The following ANO5 variants were observed in gnomAD, a reference collection of about 807,000 sequenced individuals.
ANO5 encodes the protein anoctamin-5.
A neutral mutation model predicts 121.0 loss-of-function variants in ANO5; 109 were observed. The ratio of observed to expected loss-of-function variants is 0.90; its 90% CI spans 0.77 to 1.06. ANO5 has a LOEUF of 1.06. Ranked by LOEUF, ANO5 falls within the 50% of genes least tolerant of loss-of-function variation. ANO5 has a pLI of 0.00. For missense variants in ANO5, 1,064 were observed against 1,078.5 expected (o/e 0.99, Z 0.19); for synonymous variants, 406 against 359.9 (o/e 1.13, Z -1.45).
intron 1 of ANO5, among the ~76,000 whole-genome samples, chr11:22,197,128 C>T (rs1851837016): frequency 6.6e-6 from 1 of 152,140 alleles, no homozygotes; most frequent in South Asian, 2.1e-4. Context: ...GTAAGAGAGA[C>T]AACATAACAT....
intron 9 of ANO5, among the ~76,000 whole-genome samples, chr11:22,242,799 T>G (rs1399018460): frequency 6.6e-6 from 1 of 151,998 alleles, no homozygotes; most frequent in Admixed American, 6.6e-5. Context: ...AGGAGACTTT[T>G]GGTGGAGTCT....
At chr11:22,212,642 GAGAT>G (rs1170210783) in intron 3 of ANO5, among the ~76,000 whole-genome samples, 1 of 151,904 alleles carries the variant, frequency 6.6e-6, no homozygotes, top group Non-Finnish European at 1.5e-5. Flanking sequence ...TCATGGTACT[GAGAT>G]AGATAATGGC....
rs1855085212 is a variant in ANO5, at chr11:22,281,658, AAAG to A, written c.*1895_*1897del. 2.8e-5 allele frequency: 1 copy of A among 35,660 alleles called. No individual in the cohort carries two copies. The highest frequency in any genetic ancestry group is 3.4e-4 in the Admixed American group (1 of 2,938). 2.2% of individuals were successfully genotyped at this position (35,660 alleles called of 1,614,324 possible). The stretch of plus-strand genomic sequence containing the variant: ...CTTCCTGGGTGCTGATAAAAATAAG[AAAG>A]AGCATGGAAATTGGTTTCTTGAATA... On this transcript the variant is annotated 3_prime_UTR_variant, in exon 22 of 22. Transcript: ENST00000324559.
intron 1 of ANO5, among the ~76,000 whole-genome samples, chr11:22,203,348 G>A (rs1217736659): frequency 6.6e-6 from 1 of 152,042 alleles, no homozygotes; most frequent in Non-Finnish European, 1.5e-5. Flanking sequence ...TCTGTATGTC[G>A]GGAAAGTACT....
intron 5 of ANO5, among the ~76,000 whole-genome samples, chr11:22,223,303 G>T (rs1360122197): frequency 2.0e-5 from 3 of 152,026 alleles, no homozygotes; most frequent in Non-Finnish European, 4.4e-5. Context: ...GACAAAGTCT[G>T]GAGGAAACCA....
intron 6 of ANO5, among the ~76,000 whole-genome samples, chr11:22,227,000 G>A (rs761439390): frequency 1.3e-5 from 2 of 152,106 alleles, no homozygotes; most frequent in African/African-American, 2.4e-5. Context: ...TGGATTTAGA[G>A]ATGAGTATAC....
At chr11:22,237,451 T>G (rs1477243695) in intron 8 of ANO5, among the ~76,000 whole-genome samples, 6 of 152,066 alleles carry the variant, frequency 3.9e-5, no homozygotes, top group African/African-American at 4.8e-5. Flanking sequence ...AGTGCAGTGG[T>G]GCAATCTTGG....
chr11:22,251,807 A>G (rs916839285), intron 12 of ANO5, among the ~76,000 whole-genome samples: 4 of 151,674 alleles, frequency 2.6e-5, no homozygotes, highest in African/African-American at 9.7e-5. Context: ...TGGGCAGATC[A>G]CGAGGTCAGG....
intron 7 of ANO5, among the ~76,000 whole-genome samples, chr11:22,228,224 A>G (rs1052876132): frequency 2.6e-5 from 4 of 152,104 alleles, no homozygotes; most frequent in Non-Finnish European, 4.4e-5. Flanking sequence ...TAGTTCAGAC[A>G]TAAAGAGCTT....
chr11:22,212,237 T>G (rs1852300948), intron 3 of ANO5, among the ~76,000 whole-genome samples: 1 of 151,654 alleles, frequency 6.6e-6, no homozygotes, highest in African/African-American at 2.4e-5. Context: ...AGATTAGACT[T>G]TATTAGCTTG....
At chr11:22,230,306 G>A (rs1852998055) in intron 7 of ANO5, among the ~76,000 whole-genome samples, 1 of 151,962 alleles carries the variant, frequency 6.6e-6, no homozygotes, top group Non-Finnish European at 1.5e-5. Flanking sequence ...TAGTTACAAT[G>A]TCCTTCTTAA....
In ANO5 at chr11:22,272,395, A is replaced by G. The variant is rs569448546; in HGVS notation, c.2030-389A>G. Among the ~76,000 whole-genome samples the G allele has an allele frequency of 1.4e-3, 205 of 151,304 alleles. 1 individual carries two copies. Among genetic ancestry groups the G allele is most frequent in the African/African-American group, 4.9e-3 (201 of 41,248 alleles). On this transcript the variant is annotated intron_variant, in intron 18 of 21. Transcript: ENST00000324559. ...TGAATCAGTCATCATTCCTGATCTCAAAAATTAGATGGGCTAGCAAGATAG... is the reference window on the plus strand; with the variant it reads ...TGAATCAGTCATCATTCCTGATCTCGAAAATTAGATGGGCTAGCAAGATAG...
intron 17 of ANO5, among the ~76,000 whole-genome samples, chr11:22,267,489 AC>A (rs1854406034): frequency 7.1e-6 from 1 of 141,106 alleles, no homozygotes; most frequent in Non-Finnish European, 1.5e-5. Flanking sequence ...CTATCTACAT[AC>A]CATATAAATA....
intron 5 of ANO5, 146 bp downstream of exon 5, chr11:22,221,356 A>T: frequency 1.4e-6 from 1 of 706,054 alleles, no homozygotes; most frequent in Non-Finnish European, 2.4e-6. Flanking sequence ...ACTGTAAAGT[A>T]GGCAGCCTAA....
intron 20 of ANO5, 41 bp downstream of exon 20, chr11:22,274,788 CT>C: frequency 1.3e-6 from 2 of 1,599,386 alleles, no homozygotes; most frequent in Non-Finnish European, 1.7e-6. Context: ...AGTTTTATCC[CT>C]TAAGCGTATT....
In ANO5 at chr11:22,255,483, A is replaced by G; in HGVS notation, c.1293A>G (p.Glu431=). The G allele has an allele frequency of 6.2e-7, 1 of 1,613,580 alleles. No individual in the cohort carries two copies. The highest frequency in any genetic ancestry group is 1.1e-5 in the South Asian group (1 of 91,064). ...QQQLQLRPEF[E]AMCKHRKLNA... ...AGCTTCAGCTGAGACCAGAATTTGA[A>G]GCTATGTGTAAACACAGGAAATTGA... The change falls in exon 13 of 22, where the codon GAA becomes GAG. Residue 431 remains glutamate, a synonymous_variant. Coordinates refer to ENST00000324559, the MANE Select transcript of ANO5 (RefSeq NM_213599.3).
At position 22,203,806 on chromosome 11, in the gene ANO5, G is replaced by A; in HGVS notation, c.43G>A (p.Glu15Lys). 6.8e-7 allele frequency: 1 copy of A among 1,468,376 alleles called. No homozygotes were observed. The highest frequency in any genetic ancestry group is 1.4e-5 in the African/African-American group (1 of 71,878). The allele number at this position is 1,468,376 out of a possible 1,614,324, so 91.0% of individuals were successfully genotyped here. A position where few individuals can be genotyped will look rare whatever the true frequency, so the allele number is the denominator to read the frequency against. ...DLLEVLAEEG[E>K]KVNKHIDYSF... is the part of the protein sequence containing the mutation. Reference sequence around the variant, plus strand: ...TTTCTCTTTCTTATTTAATTTAGGGGAAAAAGTCAATAAGCATATAGACTA... The same window carrying A: ...TTTCTCTTTCTTATTTAATTTAGGGAAAAAAGTCAATAAGCATATAGACTA... Residue 15 changes from glutamate (E) to lysine (K), a missense_variant and splice_region_variant, in exon 2 of 22, where the codon GAA becomes AAA. Physicochemically the swap from Glu to Lys is moderately conservative, Grantham distance 56 (BLOSUM62 1). Coordinates refer to ENST00000324559, the MANE Select transcript of ANO5 (RefSeq NM_213599.3).
chr11:22,193,151 G>A lies in ANO5; in HGVS notation c.-342G>A. The A allele has an allele frequency of 8.6e-7, 1 of 1,169,460 alleles. No individual in the cohort carries two copies. The highest frequency in any genetic ancestry group is 2.0e-5 in the South Asian group (1 of 48,902). 72.4% of individuals were successfully genotyped at this position (1,169,460 alleles called of 1,614,324 possible). Reference sequence around the variant, plus strand: ...GGATCAGCTGCCGAGCAGGCACAGGGACAGGTGCCTGGAGAAGTACTGGGA... The same window carrying A: ...GGATCAGCTGCCGAGCAGGCACAGGAACAGGTGCCTGGAGAAGTACTGGGA... On this transcript the variant is annotated 5_prime_UTR_variant, in exon 1 of 22. Coordinates refer to ENST00000324559, the MANE Select transcript of ANO5 (RefSeq NM_213599.3).
intron 21 of ANO5, among the ~76,000 whole-genome samples, chr11:22,278,393 CTG>C (rs1220743991): frequency 6.6e-6 from 1 of 151,692 alleles, no homozygotes; most frequent in Admixed American, 6.6e-5. Context: ...TGCTGTCTCT[CTG>C]GAACTGCTGT....
Sources: allele counts gnomAD v4.1 joint callset (sites outside exome capture counted in the v4.1 genomes callset), GRCh38; gene constraint gnomAD v4.1.1; transcripts MANE v1.5; gene names NCBI Gene and HGNC (gene_info 2026-07-23, HGNC 2026-07-21).